KCNB2: variants seen among roughly 807,000 people sequenced by gnomAD.
The protein encoded by KCNB2 is delayed rectifier potassium channel protein.
Under a neutral mutation model 61.5 loss-of-function variants are expected in KCNB2, and 15 were observed. The ratio of observed to expected loss-of-function variants is 0.24; its 90% confidence interval spans 0.16 to 0.38. The LOEUF is 0.38. Among genes scored for constraint, KCNB2 ranks in the 10% least tolerant of loss-of-function variants. The pLI is 1.00. For missense variants in KCNB2, 828 were observed against 1,125.2 expected (o/e 0.74, Z 3.78); for synonymous variants, 457 against 446.0 (o/e 1.02, Z -0.31).
At chr8:72,697,669 A>G (rs1394139545) in intron 2 of KCNB2, among the ~76,000 whole-genome samples, 1 of 152,214 alleles carries the variant, frequency 6.6e-6, no homozygotes, top group African/African-American at 2.4e-5. Context: ...ACAGAAAAAA[A>G]GAAAAATAAA....
chr8:72,817,679 A>G (rs1809423858), intron 2 of KCNB2, among the ~76,000 whole-genome samples: 2 of 152,142 alleles, frequency 1.3e-5, no homozygotes, highest in Admixed American at 1.3e-4. Context: ...CAGAAACCCA[A>G]TAAATTATTT....
intron 2 of KCNB2, among the ~76,000 whole-genome samples, chr8:72,712,345 T>G (rs1203660790): frequency 6.6e-6 from 1 of 152,262 alleles, no homozygotes; most frequent in Non-Finnish European, 1.5e-5. Flanking sequence ...CACAGGTTCC[T>G]ATTTCACTGG....
chr8:72,824,387 G>A (rs1038674574), intron 2 of KCNB2, among the ~76,000 whole-genome samples: 1 of 152,166 alleles, frequency 6.6e-6, no homozygotes, highest in Admixed American at 6.5e-5. Flanking sequence ...TCCCTGCTGG[G>A]TTCTGCCCCC....
At position 72,937,396 on chromosome 8, in the gene KCNB2, A is replaced by G; in HGVS notation, c.2041A>G (p.Ser681Gly). The G allele has an allele frequency of 6.2e-7, 1 of 1,614,090 alleles. No individual in the cohort carries two copies. The highest frequency in any genetic ancestry group is 8.5e-7 in the Non-Finnish European group (1 of 1,180,018). ...TGACATAACTGTGAACCTCGATGCC[A>G]GTGGCTCCCAGTGTGGGCTACATAG... ...PVDITVNLDA[S>G]GSQCGLHSPL... The change falls in exon 3 of 3, where the codon AGT becomes GGT. Residue 681 changes from serine (S) to glycine (G), a missense_variant. This residue lies in a region of KCNB2 where 559 missense variants were observed against 588.4 expected (regional missense o/e 0.95). Transcript: ENST00000523207.
At chr8:72,608,459 A>G (rs1805487896) in intron 2 of KCNB2, among the ~76,000 whole-genome samples, 1 of 152,162 alleles carries the variant, frequency 6.6e-6, no homozygotes, top group South Asian at 2.1e-4. Flanking sequence ...GAGGGGAAAC[A>G]GAGAACATGT....
chr8:72,846,611 A>G (rs1328838267), intron 2 of KCNB2, among the ~76,000 whole-genome samples: 1 of 152,216 alleles, frequency 6.6e-6, no homozygotes, highest in East Asian at 1.9e-4. Flanking sequence ...ATGAAGACAC[A>G]CTTCTCAAAA....
chr8:72,644,488 G>A (rs1216383435), intron 2 of KCNB2, among the ~76,000 whole-genome samples: 1 of 152,146 alleles, frequency 6.6e-6, no homozygotes, highest in African/African-American at 2.4e-5. Context: ...GAGCCCCCAA[G>A]TATCGCCACC....
intron 2 of KCNB2, among the ~76,000 whole-genome samples, chr8:72,644,119 G>A (rs1806094420): frequency 6.6e-6 from 1 of 152,104 alleles, no homozygotes; most frequent in African/African-American, 2.4e-5. Context: ...TTCTTTGAAA[G>A]AGAGTTTTGT....
At chr8:72,543,862 A>G (rs918561592) in intron 1 of KCNB2, among the ~76,000 whole-genome samples, 54 of 152,196 alleles carry the variant, frequency 3.5e-4, no homozygotes, top group African/African-American at 1.3e-3. Context: ...CTCCCATTGA[A>G]GAAAGCCAAT....
chr8:72,679,734 C>A (rs532407781), intron 2 of KCNB2, among the ~76,000 whole-genome samples: 37 of 152,162 alleles, frequency 2.4e-4, no homozygotes, highest in African/African-American at 8.9e-4. Context: ...TTTGTGTAGC[C>A]CCTGAGACCT....
chr8:72,847,162 C>T (rs1031464657), intron 2 of KCNB2, among the ~76,000 whole-genome samples: 1 of 152,168 alleles, frequency 6.6e-6, no homozygotes, highest in Non-Finnish European at 1.5e-5. Flanking sequence ...GCCACCTTGC[C>T]AGACTGGGGG....
intron 2 of KCNB2, among the ~76,000 whole-genome samples, chr8:72,748,867 A>C (rs2128995397): frequency 6.6e-6 from 1 of 152,186 alleles, no homozygotes; most frequent in South Asian, 2.1e-4. Context: ...AGAACACTTA[A>C]AAATCTATTC....
Position 72,937,018 on chromosome 8 carries a change from C to T in KCNB2, c.1663C>T (p.His555Tyr), listed in dbSNP as rs1490223244. ...NEITKTQPHS[H>Y]PNPDCQEKPE... Reference sequence around the variant, plus strand: ...AATCACCAAGACACAGCCTCATTCTCACCCAAACCCAGACTGCCAAGAAAA... The same window carrying T: ...AATCACCAAGACACAGCCTCATTCTTACCCAAACCCAGACTGCCAAGAAAA... The change falls in exon 3 of 3, where the codon CAC becomes TAC. Residue 555 changes from histidine to tyrosine, a missense_variant. His to Tyr is a moderately conservative substitution (Grantham distance 83). This residue lies in a region of KCNB2 where 559 missense variants were observed against 588.4 expected (regional missense o/e 0.95). Transcript: ENST00000523207. 6.2e-7 allele frequency: 1 copy of T among 1,614,144 alleles called. No individual in the cohort carries two copies.
At chr8:72,850,704 A>G (rs977897199) in intron 2 of KCNB2, among the ~76,000 whole-genome samples, 2 of 152,226 alleles carry the variant, frequency 1.3e-5, no homozygotes, top group African/African-American at 2.4e-5. Context: ...AGAATACCAG[A>G]AAAGAAAATT....
chr8:72,668,622 T>G (rs2128987986), intron 2 of KCNB2, among the ~76,000 whole-genome samples: 1 of 152,322 alleles, frequency 6.6e-6, no homozygotes, highest in African/African-American at 2.4e-5. Context: ...CTTCAGATCT[T>G]ACTTTAAATA....
intron 2 of KCNB2, among the ~76,000 whole-genome samples, chr8:72,572,184 T>C (rs1057492005): frequency 6.6e-6 from 1 of 152,140 alleles, no homozygotes; most frequent in Non-Finnish European, 1.5e-5. Flanking sequence ...GGAAATCAGC[T>C]GGGTTTCTGG....
intron 2 of KCNB2, among the ~76,000 whole-genome samples, chr8:72,633,789 A>T (rs1805919480): frequency 6.6e-6 from 1 of 152,182 alleles, no homozygotes; most frequent in Admixed American, 6.5e-5. Context: ...GAAAGCATTT[A>T]TACTTAGTTA....
intron 2 of KCNB2, among the ~76,000 whole-genome samples, chr8:72,935,193 C>T (rs1341009893): frequency 6.6e-6 from 1 of 152,188 alleles, no homozygotes; most frequent in East Asian, 1.9e-4. Context: ...CTCCTTACTT[C>T]ATTCTAAGCT....
intron 2 of KCNB2, among the ~76,000 whole-genome samples, chr8:72,845,984 G>T (rs1280497396): frequency 1.0e-5 from 1 of 95,904 alleles, no homozygotes; most frequent in Non-Finnish European, 2.3e-5. Context: ...CACCACTGGG[G>T]TATGAAAAAA....
Sources: allele counts gnomAD v4.1 joint callset (sites outside exome capture counted in the v4.1 genomes callset), GRCh38; gene constraint gnomAD v4.1.1; regional missense constraint gnomAD v4.1.1; transcripts MANE v1.5; gene names NCBI Gene and HGNC (gene_info 2026-07-23, HGNC 2026-07-21).